WDPCP: variants seen among roughly 807,000 people sequenced by gnomAD.
WDPCP encodes WD repeat containing planar cell polarity effector, also known as WD repeat-containing and planar cell polarity effector protein fritz homolog.
In WDPCP, 71 loss-of-function variants were observed where a neutral mutation model predicts 93.1. The ratio of observed to expected loss-of-function variants is 0.76; its 90% CI spans 0.63 to 0.93. The LOEUF (loss-of-function observed/expected upper bound fraction) is 0.93, where lower values mean the gene tolerates loss of function less well. WDPCP is among the 40% of genes least tolerant of loss of function. WDPCP has a pLI of 0.00. For synonymous variants in WDPCP, 315 were observed against 315.0 expected, an observed-to-expected ratio of 1.00 and a Z score of 0.00; for missense variants, 844 against 887.4, an observed-to-expected ratio of 0.95 and a Z score of 0.62.
intron 13 of WDPCP, among the ~76,000 whole-genome samples, chr2:63,304,544 G>T (rs139004139): frequency 6.6e-6 from 1 of 152,174 alleles, no homozygotes. Context: ...GGACTGTACC[G>T]TGAGGAACAG....
intron 2 of WDPCP, among the ~76,000 whole-genome samples, chr2:63,664,157 G>C (rs148503186): frequency 6.6e-6 from 1 of 152,298 alleles, no homozygotes; most frequent in East Asian, 1.9e-4. Flanking sequence ...CTCAGTTTAG[G>C]CATCATCAGT....
At chr2:63,419,197 C>A (rs1400307143) in intron 9 of WDPCP, among the ~76,000 whole-genome samples, 1 of 152,132 alleles carries the variant, frequency 6.6e-6, no homozygotes, top group African/African-American at 2.4e-5. Context: ...GGTTGGGGTG[C>A]AGTGCTGTGA....
chr2:63,786,718 C>T (rs1010051387), intron 2 of WDPCP, among the ~76,000 whole-genome samples: 3 of 152,108 alleles, frequency 2.0e-5, no homozygotes, highest in Non-Finnish European at 2.9e-5. Context: ...AAGCATGATC[C>T]GCAGAAACAG....
chr2:63,258,829 T>C (rs1230718893), intron 14 of WDPCP, among the ~76,000 whole-genome samples: 1 of 152,170 alleles, frequency 6.6e-6, no homozygotes, highest in African/African-American at 2.4e-5. Context: ...TGATCTGTCT[T>C]CTTCAGAATA....
At chr2:63,159,527 A>G (rs573708068) in intron 15 of WDPCP, among the ~76,000 whole-genome samples, 2 of 152,280 alleles carry the variant, frequency 1.3e-5, no homozygotes, top group African/African-American at 4.8e-5. Context: ...TTATATATCA[A>G]GTAATTTTTG....
intron 3 of WDPCP, among the ~76,000 whole-genome samples, chr2:63,626,676 A>G (rs888444061): frequency 1.3e-5 from 2 of 152,224 alleles, no homozygotes; most frequent in Non-Finnish European, 2.9e-5. Context: ...TCAGGAAACA[A>G]CAGATGATGG....
chr2:63,189,173 C>A (rs996813535), intron 14 of WDPCP, among the ~76,000 whole-genome samples: 8 of 152,204 alleles, frequency 5.3e-5, no homozygotes, highest in African/African-American at 1.9e-4. Flanking sequence ...GTCTAACATG[C>A]TAAGGCATTA....
chr2:63,642,189 T>C (rs1709988228), intron 3 of WDPCP, among the ~76,000 whole-genome samples: 1 of 152,128 alleles, frequency 6.6e-6, no homozygotes, highest in South Asian at 2.1e-4. Context: ...TATAGCGCTG[T>C]AGTATAATTT....
At chr2:63,496,130 T>A (rs1434452993) in intron 1 of WDPCP, among the ~76,000 whole-genome samples, 1 of 152,214 alleles carries the variant, frequency 6.6e-6, no homozygotes, top group African/African-American at 2.4e-5. Context: ...ACAATCTGCA[T>A]AAGACAAGGC....
intron 2 of WDPCP, among the ~76,000 whole-genome samples, chr2:63,666,894 A>G (rs1275997376): frequency 2.0e-5 from 3 of 152,158 alleles, no homozygotes; most frequent in African/African-American, 4.8e-5. Context: ...TTTCCCACCA[A>G]TATAGCCCAA....
At chr2:63,574,671 CA>C (rs1262300975) in intron 1 of WDPCP, among the ~76,000 whole-genome samples, 1 of 151,886 alleles carries the variant, frequency 6.6e-6, no homozygotes, top group Non-Finnish European at 1.5e-5. Context: ...TATGAAGTAC[CA>C]GGGGTACCAG....
intron 12 of WDPCP, among the ~76,000 whole-genome samples, chr2:63,352,757 G>T (rs554640978): frequency 6.6e-6 from 1 of 152,246 alleles, no homozygotes; most frequent in South Asian, 2.1e-4. Flanking sequence ...CTCCATTAAG[G>T]CTAGGAACAT....
chr2:63,604,240 T>A (rs1470371667), intron 3 of WDPCP, among the ~76,000 whole-genome samples: 1 of 152,240 alleles, frequency 6.6e-6, no homozygotes, highest in East Asian at 1.9e-4. Context: ...AATTTCTATA[T>A]GGTATATAAT....
At chr2:63,691,339 G>A (rs770317750) in intron 2 of WDPCP, among the ~76,000 whole-genome samples, 46 of 152,156 alleles carry the variant, frequency 3.0e-4, no homozygotes, top group Non-Finnish European at 5.0e-4. Context: ...TTGTGTATCA[G>A]AAAAGAAGTA....
At chr2:63,544,756 C>A (rs908168510) in intron 1 of WDPCP, among the ~76,000 whole-genome samples, 1 of 152,066 alleles carries the variant, frequency 6.6e-6, no homozygotes, top group African/African-American at 2.4e-5. Flanking sequence ...TTAGTTTCCT[C>A]AATAGTTATT....
At chr2:63,686,275 A>G (rs1358163299) in intron 2 of WDPCP, among the ~76,000 whole-genome samples, 1 of 152,206 alleles carries the variant, frequency 6.6e-6, no homozygotes, top group Non-Finnish European at 1.5e-5. Flanking sequence ...AATACACAAA[A>G]TCAGTGGCAT....
At chr2:63,272,407 G>A (rs762742313) in intron 13 of WDPCP, among the ~76,000 whole-genome samples, 1 of 152,188 alleles carries the variant, frequency 6.6e-6, no homozygotes, top group Non-Finnish European at 1.5e-5. Context: ...CACTAGATGT[G>A]CAGATATCAA....
At chr2:63,484,532 A>G (rs907010296) in intron 6 of WDPCP, 72 bp downstream of exon 6, 5 of 1,578,012 alleles carry the variant, frequency 3.2e-6, no homozygotes, top group African/African-American at 1.3e-5. Context: ...AACATAACAC[A>G]AGAATACCAA....
At chr2:63,363,911 T>C (rs1690687795) in intron 12 of WDPCP, among the ~76,000 whole-genome samples, 1 of 152,154 alleles carries the variant, frequency 6.6e-6, no homozygotes, top group Admixed American at 6.5e-5. Flanking sequence ...CACAGTGTCC[T>C]GTGCCTTAGT....
Sources: gnomAD v4.1 joint callset for allele counts (sites outside exome capture counted in the v4.1 genomes callset) on GRCh38, gnomAD v4.1.1 for gene constraint, MANE v1.5 for transcripts, NCBI Gene and HGNC (gene_info 2026-07-23, HGNC 2026-07-21) for gene names.